The following ANOS1 variants were observed in gnomAD, a reference collection of about 807,000 sequenced individuals.
ANOS1 encodes the protein anosmin-1.
A neutral mutation model predicts 59.0 loss-of-function variants in ANOS1; 6 were observed. The observed-to-expected ratio is 0.10, with a 90% CI of 0.06 to 0.20. ANOS1 has a LOEUF of 0.20. Among genes scored for constraint, ANOS1 ranks in the 10% least tolerant of loss-of-function variants. ANOS1 has a pLI of 1.00. For synonymous variants in ANOS1, 217 were observed against 223.4 expected (o/e 0.97, Z 0.25); for missense variants, 433 against 542.3 (o/e 0.80, Z 2.00).
intron 2 of ANOS1, among the ~76,000 whole-genome samples, chrX:8,669,951 G>A (rs1932228457): frequency 1.8e-5 from 2 of 111,908 alleles, no homozygotes; most frequent in African/African-American, 3.2e-5. Flanking sequence ...ATACTCTTAA[G>A]TAACTTTCAT....
intron 2 of ANOS1, among the ~76,000 whole-genome samples, chrX:8,668,126 C>T (rs981167253): frequency 9.3e-6 from 1 of 107,479 alleles, no homozygotes; most frequent in East Asian, 2.9e-4. Flanking sequence ...TTTTGGTGCA[C>T]CCATCACCCG....
chrX:8,582,234 T>TTTGTTTGC (rs923665396), intron 6 of ANOS1, among the ~76,000 whole-genome samples: 28 of 112,340 alleles, frequency 2.5e-4, no homozygotes, highest in African/African-American at 7.8e-4. Flanking sequence ...GCAACGTGGA[T>TTTGTTTGC]TTGTTTGCTT....
chrX:8,731,589 G>T (rs1932977693), intron 1 of ANOS1, among the ~76,000 whole-genome samples: 1 of 112,655 alleles, frequency 8.9e-6, no homozygotes, highest in Non-Finnish European at 1.9e-5. Context: ...TTGGTTTCCT[G>T]CTGGGAAGGA....
intron 3 of ANOS1, among the ~76,000 whole-genome samples, chrX:8,610,958 T>G (rs954384212): frequency 9.0e-6 from 1 of 110,891 alleles, no homozygotes; most frequent in Non-Finnish European, 1.9e-5. Flanking sequence ...AAGCAGGAAA[T>G]TGCGGCACAT....
Position 8,712,138 on chromosome X carries a change from C to G in ANOS1, c.208-12393G>C, listed in dbSNP as rs917013170. The stretch of plus-strand genomic sequence containing the variant: ...GAGACCAAGTTATCGCAAGACCATG[C>G]TCTCTCAGAAAGGCCATAGGGGAAG... On this transcript the variant is annotated intron_variant, in intron 1 of 13. Coordinates refer to ENST00000262648, the MANE Select transcript of ANOS1 (RefSeq NM_000216.4). Among the ~76,000 whole-genome samples, 12 of 112,437 alleles carry G rather than the reference C, an allele frequency of 1.1e-4. 2 individuals carry two copies. In the Admixed American group the frequency reaches 1.1e-3, roughly 11 times the overall value.
intron 2 of ANOS1, among the ~76,000 whole-genome samples, chrX:8,687,774 A>C (rs1387682803): frequency 8.9e-6 from 1 of 112,129 alleles, no homozygotes; most frequent in Non-Finnish European, 1.9e-5. Flanking sequence ...TGAATAGATA[A>C]AAGATCTCTT....
chrX:8,701,130 A>T (rs1331692184), intron 1 of ANOS1, among the ~76,000 whole-genome samples: 1 of 111,361 alleles, frequency 9.0e-6, no homozygotes, highest in Non-Finnish European at 1.9e-5. Flanking sequence ...GGATCTTTTA[A>T]GTCAGGTTAT....
chrX:8,661,647 AGT>A (rs1219982019), intron 2 of ANOS1, among the ~76,000 whole-genome samples: 5 of 111,832 alleles, frequency 4.5e-5, no homozygotes, highest in Non-Finnish European at 9.4e-5. Context: ...TTTGACTACA[AGT>A]CCAAACACTA....
At chrX:8,667,762 G>C (rs1932173415) in intron 2 of ANOS1, among the ~76,000 whole-genome samples, 2 of 111,149 alleles carry the variant, frequency 1.8e-5, no homozygotes, top group African/African-American at 3.3e-5. Flanking sequence ...CCCAATACCA[G>C]AAAGGAGTAG....
chrX:8,555,895 A>C (rs1309132675), intron 8 of ANOS1, among the ~76,000 whole-genome samples: 1 of 112,792 alleles, frequency 8.9e-6, no homozygotes, highest in Non-Finnish European at 1.9e-5. Flanking sequence ...CAACAAAAAA[A>C]GAAAATTTCA....
chrX:8,539,601 T>C, intron 10 of ANOS1, 63 bp downstream of exon 10: 3 of 1,207,423 alleles, frequency 2.5e-6, no homozygotes, highest in Non-Finnish European at 3.4e-6. Flanking sequence ...ACCTGTCTAG[T>C]TTGTACATCC....
chrX:8,663,548 T>C (rs987345964), intron 2 of ANOS1, among the ~76,000 whole-genome samples: 1 of 111,668 alleles, frequency 9.0e-6, no homozygotes, highest in African/African-American at 3.3e-5. Context: ...CCTATGCTTG[T>C]AAGATAACAA....
chrX:8,673,587 G>C (rs543502903), intron 2 of ANOS1, among the ~76,000 whole-genome samples: 5 of 110,135 alleles, frequency 4.5e-5, no homozygotes, highest in Non-Finnish European at 9.5e-5. Context: ...GACATGGGCA[G>C]CAGTGCAGTT....
intron 2 of ANOS1, among the ~76,000 whole-genome samples, chrX:8,627,209 G>A (rs1193307348): frequency 8.9e-6 from 1 of 112,187 alleles, no homozygotes; most frequent in Non-Finnish European, 1.9e-5. Flanking sequence ...TGTGATTTTT[G>A]TTTTCTCTTA....
intron 3 of ANOS1, among the ~76,000 whole-genome samples, chrX:8,598,280 T>C (rs1278457646): frequency 8.9e-6 from 1 of 111,759 alleles, no homozygotes; most frequent in Non-Finnish European, 1.9e-5. Flanking sequence ...TTAGTGAGAA[T>C]AGGAAGCCCT....
intron 3 of ANOS1, among the ~76,000 whole-genome samples, chrX:8,601,401 T>C (rs925896986): frequency 2.7e-5 from 3 of 111,152 alleles, no homozygotes; most frequent in Middle Eastern, 9.3e-3. Context: ...ATTATCTATA[T>C]GCCAACTGCC....
intron 4 of ANOS1, among the ~76,000 whole-genome samples, chrX:8,594,672 A>G (rs866134018): frequency 2.0e-4 from 11 of 55,169 alleles, no homozygotes; most frequent in African/African-American, 5.6e-4. Flanking sequence ...ATATATATAT[A>G]TATATATATA....
chrX:8,718,073 A>G (rs185200532), intron 1 of ANOS1, among the ~76,000 whole-genome samples: 9 of 111,203 alleles, frequency 8.1e-5, no homozygotes, highest in Non-Finnish European at 1.3e-4. Context: ...AAACGTAAAT[A>G]AATAAAATAA....
chrX:8,569,658 A>T (rs1025755505), intron 7 of ANOS1, among the ~76,000 whole-genome samples: 1 of 112,015 alleles, frequency 8.9e-6, no homozygotes, highest in Admixed American at 9.5e-5. Context: ...AAATAAATAA[A>T]GTTAAAATAG....
Sources: allele counts gnomAD v4.1 joint callset (sites outside exome capture counted in the v4.1 genomes callset), GRCh38; gene constraint gnomAD v4.1.1; transcripts MANE v1.5; gene names NCBI Gene and HGNC (gene_info 2026-07-23, HGNC 2026-07-21).